EVA1A: variants seen among roughly 807,000 people sequenced by gnomAD.
EVA1A encodes eva-1 homolog A, regulator of programmed cell death.
EVA1A carries 7 observed loss-of-function variants against 9.8 expected under a neutral mutation model. The ratio of observed to expected loss-of-function variants is 0.71; its 90% CI spans 0.41 to 1.34. EVA1A has a LOEUF of 1.34. Among genes scored for constraint, EVA1A ranks in the 40% most tolerant of loss-of-function variants. The probability of loss-of-function intolerance (pLI) is 0.01; values close to 1 mark genes in which losing one functional copy is unlikely to be tolerated. For synonymous variants in EVA1A, 90 were observed against 85.6 expected, an observed-to-expected ratio of 1.05 and a Z score of -0.28; for missense variants, 206 against 205.9, an observed-to-expected ratio of 1.00 and a Z score of 0.00.
chr2:75,513,023 G>A (rs1572956694), intron 3 of EVA1A, among the ~76,000 whole-genome samples: 1 of 152,104 alleles, frequency 6.6e-6, no homozygotes, highest in East Asian at 1.9e-4. Flanking sequence ...AGATCTACTG[G>A]AACCTCCTTC....
chr2:75,533,076 C>T (rs1278009569), intron 1 of EVA1A, among the ~76,000 whole-genome samples: 7 of 150,086 alleles, frequency 4.7e-5, no homozygotes, highest in African/African-American at 7.4e-5. Context: ...CCTAGGAGAT[C>T]GAGACTGCAG....
intron 1 of EVA1A, among the ~76,000 whole-genome samples, chr2:75,559,163 C>T (rs1185064485): frequency 6.6e-6 from 1 of 152,056 alleles, no homozygotes; most frequent in African/African-American, 2.4e-5. Context: ...ATCTTGGAAG[C>T]GGAGTGGGGG....
At chr2:75,520,328 G>C (rs548770995) in intron 2 of EVA1A, among the ~76,000 whole-genome samples, 9 of 151,892 alleles carry the variant, frequency 5.9e-5, no homozygotes, top group Non-Finnish European at 1.2e-4. Context: ...TGTTTTTGCA[G>C]AAATAAAAAA....
Position 75,493,369 on chromosome 2 carries a change from T to A in EVA1A, c.326A>T (p.Lys109Met), listed in dbSNP as rs776860189. The change falls in exon 4 of 4, where the codon AAG (lysine) becomes ATG (methionine). Residue 109 changes from lysine to methionine, a missense_variant. Physicochemically the swap from Lys to Met is moderately conservative, Grantham distance 95. Transcript: ENST00000393913. ...RHRRFERTLN[K>M]NVFTSAEELE... is the part of the protein sequence containing the mutation. The stretch of plus-strand genomic sequence containing the variant: ...CTCCTCCGCAGAGGTGAACACATTC[T>A]TGTTCAAAGTCCTCTCGAAGCGGCG... 58 of 1,614,144 alleles carry A rather than the reference T, an allele frequency of 3.6e-5. No homozygotes were observed. The highest frequency in any genetic ancestry group is 4.8e-5 in the Non-Finnish European group (57 of 1,180,058).
At chr2:75,517,095 C>T (rs574251397) in intron 3 of EVA1A, among the ~76,000 whole-genome samples, 35 of 151,966 alleles carry the variant, frequency 2.3e-4, no homozygotes, top group African/African-American at 6.8e-4. Flanking sequence ...AATCAGGTTG[C>T]GCGTCATCCA....
upstream of EVA1A, chr2:75,561,407 A>T (rs1676919388): frequency 6.6e-6 from 1 of 150,918 alleles, no homozygotes; most frequent in Non-Finnish European, 1.5e-5. Context: ...GTGGGAAGTT[A>T]AAGCCTGATG....
intron 3 of EVA1A, among the ~76,000 whole-genome samples, chr2:75,499,244 C>T (rs542984106): frequency 1.4e-4 from 22 of 152,210 alleles, no homozygotes; most frequent in African/African-American, 5.3e-4. Context: ...GTTAAATGAC[C>T]TTGAGCCAAT....
chr2:75,553,558 T>C (rs1348258856), intron 1 of EVA1A, among the ~76,000 whole-genome samples: 1 of 152,214 alleles, frequency 6.6e-6, no homozygotes, highest in South Asian at 2.1e-4. Context: ...GCCTGGCACA[T>C]GAAGGTGTCA....
At chr2:75,537,668 G>T (rs1244591929) in intron 1 of EVA1A, among the ~76,000 whole-genome samples, 1 of 152,178 alleles carries the variant, frequency 6.6e-6, no homozygotes, top group East Asian at 1.9e-4. Flanking sequence ...CTGGTGGGAG[G>T]TGTTTGGGTC....
upstream of EVA1A, among the ~76,000 whole-genome samples, chr2:75,565,032 G>A (rs1676999907): frequency 6.6e-6 from 1 of 152,206 alleles, no homozygotes; most frequent in East Asian, 1.9e-4. Context: ...CAAGATGCTT[G>A]CAGTGAGAAT....
intron 2 of EVA1A, 84 bp downstream of exon 2, chr2:75,522,281 T>C (rs1338700853): frequency 6.6e-6 from 1 of 152,204 alleles, no homozygotes; most frequent in African/African-American, 2.4e-5. Context: ...CCTATGATAT[T>C]GCAATTGGAA....
chr2:75,561,297 C>T (rs944706655), upstream of EVA1A: 10 of 152,196 alleles, frequency 6.6e-5, no homozygotes, highest in Non-Finnish European at 2.9e-5. Context: ...ATTCCTGTCC[C>T]GTCGCCTGCT....
intron 1 of EVA1A, among the ~76,000 whole-genome samples, chr2:75,541,237 A>T (rs1005471329): frequency 6.6e-6 from 1 of 152,226 alleles, no homozygotes; most frequent in African/African-American, 2.4e-5. Context: ...GATGCAACAG[A>T]TAGAAAACTC....
intron 1 of EVA1A, among the ~76,000 whole-genome samples, chr2:75,569,237 T>A (rs1199632335): frequency 6.6e-6 from 1 of 152,158 alleles, no homozygotes; most frequent in Non-Finnish European, 1.5e-5. Context: ...TAACCAAACT[T>A]CTCAAATAAA....
At chr2:75,532,229 G>T (rs566578265) in intron 1 of EVA1A, among the ~76,000 whole-genome samples, 8 of 137,970 alleles carry the variant, frequency 5.8e-5, no homozygotes, top group Non-Finnish European at 1.1e-4. Context: ...CCCCAAAAAC[G>T]ATTGAAATAA....
At chr2:75,564,573 C>T (rs1676991384), upstream of EVA1A, among the ~76,000 whole-genome samples, 2 of 152,122 alleles carry the variant, frequency 1.3e-5, no homozygotes, top group Admixed American at 1.3e-4. Flanking sequence ...AAGCCAGGGC[C>T]CCTTCAGCTA....
At chr2:75,493,945 T>C (rs1385043475) in intron 3 of EVA1A, among the ~76,000 whole-genome samples, 1 of 152,230 alleles carries the variant, frequency 6.6e-6, no homozygotes, top group African/African-American at 2.4e-5. Context: ...AAGAGATGTA[T>C]CTATCTAAAG....
chr2:75,545,797 G>T (rs76262845), intron 1 of EVA1A, among the ~76,000 whole-genome samples: 2 of 152,072 alleles, frequency 1.3e-5, no homozygotes, highest in Admixed American at 6.5e-5. Flanking sequence ...TGTCTCCTAG[G>T]GGGAGGAGAG....
At chr2:75,539,778 A>G (rs991239365) in intron 1 of EVA1A, among the ~76,000 whole-genome samples, 2 of 152,242 alleles carry the variant, frequency 1.3e-5, no homozygotes, top group South Asian at 4.1e-4. Context: ...TTAAGTTTGT[A>G]TGACTTTAAA....
Sources: allele counts gnomAD v4.1 joint callset (sites outside exome capture counted in the v4.1 genomes callset), GRCh38; gene constraint gnomAD v4.1.1; transcripts MANE v1.5; gene names NCBI Gene and HGNC (gene_info 2026-07-23, HGNC 2026-07-21).